Variants in B4GALNT3 observed in about 807,000 individuals in gnomAD.
B4GALNT3 encodes the protein beta-1,4-N-acetylgalactosaminyltransferase 3.
In B4GALNT3, 86 loss-of-function variants were observed where a neutral mutation model predicts 120.2. The ratio of observed to expected loss-of-function variants is 0.72; its 90% CI spans 0.60 to 0.86. The LOEUF is 0.86. Among genes scored for constraint, B4GALNT3 ranks in the 40% least tolerant of loss-of-function variants. The pLI is 0.00. For synonymous variants in B4GALNT3, 518 were observed against 510.4 expected, an observed-to-expected ratio of 1.01 and a Z score of -0.20; for missense variants, 1,167 against 1,298.9, an observed-to-expected ratio of 0.90 and a Z score of 1.56.
At position 511,591 on chromosome 12, in the gene B4GALNT3, C is replaced by T. The variant is rs569638491; in HGVS notation, c.170-23575C>T. 3.3e-3 allele frequency among the ~76,000 whole-genome samples: 484 copies of T among 145,462 alleles called. 6 individuals carry two copies. The highest frequency in any genetic ancestry group is 0.011 in the Middle Eastern group (3 of 262). Reference sequence around the variant, plus strand: ...CCTTCGACCTTCTTCCACCTTCCACCTTCCGCCTTCCACCTTCGACCTTCT... The same window carrying T: ...CCTTCGACCTTCTTCCACCTTCCACTTTCCGCCTTCCACCTTCGACCTTCT... On this transcript the variant is annotated intron_variant, in intron 1 of 19. Coordinates refer to ENST00000266383, the MANE Select transcript of B4GALNT3 (RefSeq NM_173593.4).
intron 1 of B4GALNT3, among the ~76,000 whole-genome samples, chr12:477,324 T>C (rs1373292473): frequency 2.0e-5 from 3 of 152,186 alleles, no homozygotes; most frequent in Non-Finnish European, 2.9e-5. Context: ...TTGATCTATT[T>C]TTTTCTTACC....
rs1947065134 is a variant in B4GALNT3 at position 550,378 on chromosome 12, CTTTGGGAT to C, written c.997+467_997+474del. 6.6e-6 allele frequency among the ~76,000 whole-genome samples: 1 copy of C among 152,096 alleles called. No homozygotes were observed. The highest frequency in any genetic ancestry group is 2.4e-5 in the African/African-American group (1 of 41,400). On this transcript the variant is annotated intron_variant, in intron 10 of 19. Coordinates refer to ENST00000266383, the MANE Select transcript of B4GALNT3 (RefSeq NM_173593.4). The surrounding 1 kb of genome is among the most constrained non-coding windows in gnomAD (Gnocchi z 4.1). ...GTGGCTCATTCCTGTCATCCTGGCACTTTGGGATGCTGAGGTGGGAGGATCGCTTGAGC... is the reference window on the plus strand; with the variant it reads ...GTGGCTCATTCCTGTCATCCTGGCACGCTGAGGTGGGAGGATCGCTTGAGC...
At chr12:505,028 T>C (rs1431486028) in intron 1 of B4GALNT3, among the ~76,000 whole-genome samples, 8 of 151,940 alleles carry the variant, frequency 5.3e-5, no homozygotes, top group African/African-American at 1.7e-4. Flanking sequence ...GTAGCTGGGA[T>C]TACAGGTGCA....
chr12:512,193 GCCTTCCACCTTCCA>G (rs1243486019), intron 1 of B4GALNT3, among the ~76,000 whole-genome samples: 3 of 13,596 alleles, frequency 2.2e-4, no homozygotes, highest in Admixed American at 1.0e-3. Context: ...TCCACCTTCC[GCCTTCCACCTTCCA>G]CCTTCCACCT....
At chr12:532,741 T>TA (rs542724211) in intron 1 of B4GALNT3, among the ~76,000 whole-genome samples, 40 of 152,158 alleles carry the variant, frequency 2.6e-4, no homozygotes, top group African/African-American at 8.7e-4. Context: ...TGAGGTCTTG[T>TA]AAAAAAGAGT....
Position 460,509 on chromosome 12 carries a change from G to A in B4GALNT3, c.133G>A (p.Ala45Thr). The stretch of plus-strand genomic sequence containing the variant: ...CTGGACTCTGTATCTGGAACTGGTG[G>A]CGTCGGCCCAGGTCGGCGGGAACCC... The part of the protein sequence containing the change: ...GLWTLYLELV[A>T]SAQVGGNPLN... Residue 45 changes from alanine (A) to threonine (T), a missense_variant, in exon 1 of 20, where the codon GCG becomes ACG. Ala to Thr is a moderately conservative substitution (Grantham distance 58). This residue lies in a region of B4GALNT3 where 171 missense variants were observed against 161.3 expected (regional missense o/e 1.06). Coordinates refer to ENST00000266383, the MANE Select transcript of B4GALNT3 (RefSeq NM_173593.4). This position sits in a 1 kb window ranked among gnomAD's most constrained non-coding sequence, Gnocchi z 8.0. 1 of 1,576,452 alleles carries A rather than the reference G, an allele frequency of 6.3e-7. No homozygotes were observed. Among genetic ancestry groups the A allele is most frequent in the East Asian group, 2.4e-5 (1 of 41,838 alleles).
intron 1 of B4GALNT3, among the ~76,000 whole-genome samples, chr12:487,238 AAG>A (rs1028856765): frequency 6.6e-6 from 1 of 152,234 alleles, no homozygotes; most frequent in Non-Finnish European, 1.5e-5. Flanking sequence ...TCAGAAGGAA[AAG>A]AGAGAAACAG....
At chr12:484,566 A>T (rs1252980514) in intron 1 of B4GALNT3, among the ~76,000 whole-genome samples, 1 of 152,200 alleles carries the variant, frequency 6.6e-6, no homozygotes, top group Non-Finnish European at 1.5e-5. Flanking sequence ...ATCATTCTCC[A>T]GGTGACTCTG....
Position 460,367 on chromosome 12 carries a change from G to A in B4GALNT3, c.-10G>A. The A allele has an allele frequency of 1.5e-6, 2 of 1,299,978 alleles. No individual in the cohort carries two copies. Among genetic ancestry groups the A allele is most frequent in the South Asian group, 3.6e-5 (2 of 55,236 alleles). The allele number at this position is 1,299,978 out of a possible 1,614,324, so 80.5% of individuals were successfully genotyped here. ...GCCCGCGCTGGCGGCGGCCGCCTCG[G>A]CGCAGCGCCATGGGGAGCCCCCGGG... On this transcript the variant is annotated 5_prime_UTR_variant, in exon 1 of 20. Coordinates refer to ENST00000266383, the MANE Select transcript of B4GALNT3 (RefSeq NM_173593.4). This position sits in a 1 kb window ranked among gnomAD's most constrained non-coding sequence, Gnocchi z 8.0.
intron 1 of B4GALNT3, among the ~76,000 whole-genome samples, chr12:475,354 C>G (rs1463914764): frequency 4.6e-5 from 7 of 152,172 alleles, no homozygotes; most frequent in Admixed American, 3.3e-4. Context: ...ATTAAATCTC[C>G]TTGCTCTAGT....
intron 1 of B4GALNT3, among the ~76,000 whole-genome samples, chr12:471,650 T>C (rs1192167466): frequency 6.6e-6 from 1 of 151,768 alleles, no homozygotes; most frequent in Non-Finnish European, 1.5e-5. Context: ...GAGGTTGCAG[T>C]GAGCCAAGAT....
rs1250715631 is a variant in B4GALNT3 at position 550,415 on chromosome 12, G to C, written c.997+503G>C. Among the ~76,000 whole-genome samples, 1 of 152,174 alleles carries C rather than the reference G, an allele frequency of 6.6e-6. No individual in the cohort carries two copies. Among genetic ancestry groups the C allele is most frequent in the Admixed American group, 6.5e-5 (1 of 15,276 alleles). On this transcript the variant is annotated intron_variant, in intron 10 of 19. Transcript: ENST00000266383. This position sits in a 1 kb window ranked among gnomAD's most constrained non-coding sequence, Gnocchi z 4.1. ...GAGGTGGGAGGATCGCTTGAGCCCA[G>C]GAGGTTGAGGCTGCAGTGAGCTGTG... is the stretch of plus-strand genomic sequence containing the variant.
chr12:545,768 T>A (rs1220709192), intron 6 of B4GALNT3, among the ~76,000 whole-genome samples: 22 of 30,728 alleles, frequency 7.2e-4, no homozygotes, highest in East Asian at 1.7e-3. Flanking sequence ...AGTGGGGAGG[T>A]GAGAGGAGTG....
At chr12:549,641 C>T (rs902217717) in intron 9 of B4GALNT3, 128 bp from the exon 10 acceptor site, 17 of 1,197,344 alleles carry the variant, frequency 1.4e-5, no homozygotes, top group South Asian at 2.9e-5. Context: ...AGTGTGGCTG[C>T]GCACATCCTA....
chr12:508,134 G>A (rs1946515584), intron 1 of B4GALNT3, among the ~76,000 whole-genome samples: 1 of 152,238 alleles, frequency 6.6e-6, no homozygotes, highest in Non-Finnish European at 1.5e-5. Flanking sequence ...TTCTCTTACT[G>A]TCTTTTCCGC....
intron 1 of B4GALNT3, among the ~76,000 whole-genome samples, chr12:525,443 T>A (rs1259913610): frequency 6.6e-6 from 1 of 152,202 alleles, no homozygotes; most frequent in Admixed American, 6.5e-5. Context: ...TTCCCATGTC[T>A]CTCCTCCTGT....
intron 19 of B4GALNT3, among the ~76,000 whole-genome samples, chr12:560,097 C>T (rs892372478): frequency 9.9e-5 from 15 of 152,098 alleles, no homozygotes; most frequent in Non-Finnish European, 1.6e-4. Context: ...GTGTGAGGTT[C>T]CTCTTTCAAG....
At position 480,032 on chromosome 12, in the gene B4GALNT3, G is replaced by A. The variant is rs1946221477; in HGVS notation, c.169+19487G>A. The stretch of plus-strand genomic sequence containing the variant: ...GGGTTCACGCCATTCTCCTGCCTCA[G>A]CCTCCGGAGTAGCTGGGACTACAGG... On this transcript the variant is annotated intron_variant, in intron 1 of 19. Transcript: ENST00000266383. Among the ~76,000 whole-genome samples, 3 of 150,634 alleles carry A rather than the reference G, an allele frequency of 2.0e-5. No homozygotes were observed. In the Admixed American group the frequency reaches 2.0e-4, roughly 10 times the overall value.
At chr12:483,672 TGG>T (rs1946262917) in intron 1 of B4GALNT3, among the ~76,000 whole-genome samples, 1 of 152,240 alleles carries the variant, frequency 6.6e-6, no homozygotes, top group East Asian at 1.9e-4. Context: ...CACTCCAGCC[TGG>T]GCAACATAGT....
Sources: allele counts gnomAD v4.1 joint callset (sites outside exome capture counted in the v4.1 genomes callset), GRCh38; gene constraint gnomAD v4.1.1; regional missense constraint gnomAD v4.1.1; non-coding constraint Gnocchi (gnomAD v3.1); transcripts MANE v1.5; gene names NCBI Gene and HGNC (gene_info 2026-07-23, HGNC 2026-07-21).